Variants in CILP observed in about 807,000 individuals in gnomAD.
The protein encoded by CILP is cartilage intermediate layer protein, also known as cartilage intermediate layer protein 1.
In CILP, 75 loss-of-function variants were observed where a neutral mutation model predicts 82.5. The observed-to-expected ratio is 0.91, with a 90% confidence interval of 0.75 to 1.10. The LOEUF (loss-of-function observed/expected upper bound fraction) is 1.10, where lower values mean the gene tolerates loss of function less well. Among genes scored for constraint, CILP ranks in the 50% least tolerant of loss-of-function variants. CILP has a pLI of 0.00. For missense variants in CILP, 1,479 were observed against 1,530.8 expected (o/e 0.97, Z 0.56); for synonymous variants, 530 against 580.3 (o/e 0.91, Z 1.25).
intron 4 of CILP, 43 bp downstream of exon 4, chr15:65,206,739 C>T: frequency 6.3e-7 from 1 of 1,577,438 alleles, no homozygotes; most frequent in Non-Finnish European, 8.6e-7. Context: ...TGAGTAGAGG[C>T]CAGTGGGAAG....
At chr15:65,206,138 G>C (rs1043805532) in intron 4 of CILP, among the ~76,000 whole-genome samples, 5 of 152,304 alleles carry the variant, frequency 3.3e-5, no homozygotes, top group African/African-American at 1.2e-4. Context: ...TCAAACCCCA[G>C]CTCTGCCTTA....
rs143749221 is a variant in CILP, at chr15:65,206,963, A to G, written c.243T>C (p.Tyr81=). 6.2e-7 allele frequency: 1 copy of G among 1,614,012 alleles called. No homozygotes were observed. The highest frequency in any genetic ancestry group is 1.7e-5 in the Admixed American group (1 of 60,014). ...YERLDAIRFY[Y]GDRVCARPLR... ...GGGGACGGGCACATACACGGTCCCC[A>G]TAGTAGAAGCGAATGGCGTCCAGCC... The change falls in exon 4 of 9, where the codon TAT becomes TAC. Residue 81 remains tyrosine, a synonymous_variant. Coordinates refer to ENST00000261883, the MANE Select transcript of CILP (RefSeq NM_003613.4).
chr15:65,196,834 G>C lies in CILP; in HGVS notation c.3452C>G (p.Pro1151Arg), dbSNP rs1038698762. Residue 1151 changes from proline to arginine, a missense_variant, in exon 9 of 9, where the codon CCC (proline) becomes CGC (arginine). By Grantham distance (103) the Pro-to-Arg change is moderately radical. Transcript: ENST00000261883. ...GCTCGCTCGCTGCTGCCTCCTCGAG[G>C]GCACTCTTCCTTGGACAGTGCCTGC... is the stretch of plus-strand genomic sequence containing the variant. ...PAAGTVQGRV[P>R]SRRQQRASRG... is the part of the protein sequence containing the mutation. 12 of 1,612,726 alleles carry C rather than the reference G, an allele frequency of 7.4e-6. No individual in the cohort carries two copies. The highest frequency in any genetic ancestry group is 1.3e-5 in the African/African-American group (1 of 75,026).
At chr15:65,202,950 C>G (rs1300961198) in intron 7 of CILP, among the ~76,000 whole-genome samples, 1 of 151,404 alleles carries the variant, frequency 6.6e-6, no homozygotes, top group Non-Finnish European at 1.5e-5. Flanking sequence ...ATCCTCCTAC[C>G]TCATCCTGCC....
At chr15:65,206,758 G>C (rs751406628) in intron 4 of CILP, 24 bp downstream of exon 4, 12 of 1,592,484 alleles carry the variant, frequency 7.5e-6, no homozygotes, top group Non-Finnish European at 9.4e-6. Context: ...AGTAGCGGGT[G>C]GGGGTGGGGG....
intron 8 of CILP, among the ~76,000 whole-genome samples, chr15:65,199,675 C>A (rs1355049028): frequency 6.6e-6 from 1 of 152,062 alleles, no homozygotes; most frequent in Non-Finnish European, 1.5e-5. Context: ...ATACAAAAAT[C>A]AGCTGGGCAT....
At chr15:65,201,515 G>T (rs887040884) in intron 8 of CILP, among the ~76,000 whole-genome samples, 1 of 151,832 alleles carries the variant, frequency 6.6e-6, no homozygotes, top group Non-Finnish European at 1.5e-5. Context: ...AGGTGGTGGG[G>T]GTCAGGAGTT....
chr15:65,203,349 G>A lies in CILP; in HGVS notation c.1028+13C>T, dbSNP rs1156433673. 1.9e-6 allele frequency: 3 copies of A among 1,587,896 alleles called. No homozygotes were observed. Among genetic ancestry groups the A allele is most frequent in the Non-Finnish European group, 2.6e-6 (3 of 1,156,538 alleles). On this transcript the variant is annotated intron_variant, in intron 7 of 8. Coordinates refer to ENST00000261883, the MANE Select transcript of CILP (RefSeq NM_003613.4). ...GGAGGAGAATTGGGCAGGGTAGCTA[G>A]CAGAATACGCACCAAAAATACTTGT... is the stretch of plus-strand genomic sequence containing the variant.
At chr15:65,205,500 C>A in intron 4 of CILP, 34 bp from the exon 5 acceptor site, 1 of 1,559,160 alleles carries the variant, frequency 6.4e-7, no homozygotes, top group Non-Finnish European at 8.7e-7. Flanking sequence ...GTCTGATTTC[C>A]CTCTTGAGGG....
chr15:65,197,956 A>G lies in CILP; in HGVS notation c.2330T>C (p.Val777Ala), dbSNP rs2088394883. The G allele has an allele frequency of 6.2e-7, 1 of 1,614,130 alleles. No individual in the cohort carries two copies. The highest frequency in any genetic ancestry group is 1.3e-5 in the African/African-American group (1 of 75,026). ...SEQIQGVVIS[V>A]INLEPRTGFL... is the part of the protein sequence containing the mutation. ...GCCAGTTCTAGGCTCCAGGTTAATCACGGAGATCACAACCCCCTGGATCTG... is the reference window on the plus strand; with the variant it reads ...GCCAGTTCTAGGCTCCAGGTTAATCGCGGAGATCACAACCCCCTGGATCTG... The change falls in exon 9 of 9, where the codon GTG becomes GCG. Residue 777 changes from valine to alanine, a missense_variant. Physicochemically the swap from Val to Ala is moderately conservative, Grantham distance 64. Coordinates refer to ENST00000261883, the MANE Select transcript of CILP (RefSeq NM_003613.4).
At position 65,205,395 on chromosome 15, in the gene CILP, C is replaced by T; in HGVS notation, c.496G>A (p.Gly166Ser). The T allele has an allele frequency of 6.2e-7, 1 of 1,614,102 alleles. No individual in the cohort carries two copies. The highest frequency in any genetic ancestry group is 8.5e-7 in the Non-Finnish European group (1 of 1,180,038). ...GTGCGAGTCTGGACCCCAGTCTGACCACAGGCAGCTGAGCACTTGCTCCAG... is the reference window on the plus strand; with the variant it reads ...GTGCGAGTCTGGACCCCAGTCTGACTACAGGCAGCTGAGCACTTGCTCCAG... ...SPWSKCSAAC[G>S]QTGVQTRTRI... The change falls in exon 5 of 9, where the codon GGT (glycine) becomes AGT (serine). Residue 166 changes from glycine to serine, a missense_variant. Coordinates refer to ENST00000261883, the MANE Select transcript of CILP (RefSeq NM_003613.4).
At position 65,203,355 on chromosome 15, in the gene CILP, T is replaced by C. The variant is rs2088481104; in HGVS notation, c.1028+7A>G. On this transcript the variant is annotated splice_region_variant and intron_variant, in intron 7 of 8. Transcript: ENST00000261883. Reference sequence around the variant, plus strand: ...GAATTGGGCAGGGTAGCTAGCAGAATACGCACCAAAAATACTTGTCTGGCC... The same window carrying C: ...GAATTGGGCAGGGTAGCTAGCAGAACACGCACCAAAAATACTTGTCTGGCC... 6.2e-6 allele frequency: 10 copies of C among 1,604,432 alleles called. No individual in the cohort carries two copies. Among genetic ancestry groups the C allele is most frequent in the Middle Eastern group, 1.7e-4 (1 of 5,912 alleles).
chr15:65,205,020 A>AAACAAC (rs565136281), intron 5 of CILP, among the ~76,000 whole-genome samples: 210 of 152,144 alleles, frequency 1.4e-3, no homozygotes, highest in African/African-American at 4.8e-3. Flanking sequence ...CTCTGTCTCA[A>AAACAAC]AACAACAACA....
At position 65,204,349 on chromosome 15, in the gene CILP, C is replaced by T; in HGVS notation, c.838G>A (p.Val280Ile). The T allele has an allele frequency of 4.3e-6, 7 of 1,614,200 alleles. No individual in the cohort carries two copies. The highest frequency in any genetic ancestry group is 5.9e-6 in the Non-Finnish European group (7 of 1,180,044). Residue 280 changes from valine to isoleucine, a missense_variant, in exon 6 of 9, where the codon GTC (valine) becomes ATC (isoleucine). By Grantham distance (29) the Val-to-Ile change is conservative. Coordinates refer to ENST00000261883, the MANE Select transcript of CILP (RefSeq NM_003613.4). ...GTGAGTACAATGGGGGCAAACTTGACCTTTGTGATCTTCAGGATGCTTTTG... is the reference window on the plus strand; with the variant it reads ...GTGAGTACAATGGGGGCAAACTTGATCTTTGTGATCTTCAGGATGCTTTTG... ...DGKSILKITK[V>I]KFAPIVLTMP...
chr15:65,207,533 T>C (rs1418467178), intron 3 of CILP, 139 bp downstream of exon 3: 6 of 691,924 alleles, frequency 8.7e-6, no homozygotes, highest in East Asian at 8.1e-5. Flanking sequence ...GTTCCTTGGC[T>C]GGACAGAGAT....
Position 65,204,502 on chromosome 15 carries a change from C to A in CILP, c.685G>T (p.Ala229Ser). ...CMCQDFMLHG[A>S]VSLPGGAPAS... ...GGGGCACCTCCGGGAAGGGAGACAGCCCCATGAAGCATGAAGTCCTGGCAC... is the reference window on the plus strand; with the variant it reads ...GGGGCACCTCCGGGAAGGGAGACAGACCCATGAAGCATGAAGTCCTGGCAC... The change falls in exon 6 of 9, where the codon GCT (alanine) becomes TCT (serine). Residue 229 changes from alanine (A) to serine (S), a missense_variant. Coordinates refer to ENST00000261883, the MANE Select transcript of CILP (RefSeq NM_003613.4). 6.2e-7 allele frequency: 1 copy of A among 1,613,804 alleles called. No homozygotes were observed. Among genetic ancestry groups the A allele is most frequent in the South Asian group, 1.1e-5 (1 of 91,032 alleles).
chr15:65,205,795 GC>G (rs1220027039), intron 4 of CILP, among the ~76,000 whole-genome samples: 1 of 152,176 alleles, frequency 6.6e-6, no homozygotes, highest in Non-Finnish European at 1.5e-5. Flanking sequence ...ACGGCCACAT[GC>G]TCCTATGGAA....
intron 8 of CILP, among the ~76,000 whole-genome samples, chr15:65,200,747 A>T (rs150138635): frequency 1.3e-3 from 195 of 152,290 alleles, no homozygotes; most frequent in Middle Eastern, 3.4e-3. Context: ...GGAGGTTTTA[A>T]ACTATGCATG....
chr15:65,206,163 G>A (rs1442340082), intron 4 of CILP, among the ~76,000 whole-genome samples: 3 of 152,334 alleles, frequency 2.0e-5, no homozygotes. Context: ...CTATGGAATC[G>A]TGAGAAGTTA....
Sources: allele counts gnomAD v4.1 joint callset (sites outside exome capture counted in the v4.1 genomes callset), GRCh38; gene constraint gnomAD v4.1.1; transcripts MANE v1.5; gene names NCBI Gene and HGNC (gene_info 2026-07-23, HGNC 2026-07-21).